Variants in OCA2 observed in about 807,000 individuals in gnomAD.
OCA2 encodes the protein P protein.
In OCA2, 77 loss-of-function variants were observed where a neutral mutation model predicts 100.2. The observed-to-expected ratio is 0.77, with a 90% CI of 0.64 to 0.93. The LOEUF (loss-of-function observed/expected upper bound fraction) is 0.93. Among genes scored for constraint, OCA2 ranks in the 40% least tolerant of loss-of-function variants. The probability of loss-of-function intolerance (pLI) is 0.00; values close to 1 mark genes in which losing one functional copy is unlikely to be tolerated. For missense variants in OCA2, 1,062 were observed against 1,089.1 expected (o/e 0.98, Z 0.35); for synonymous variants, 432 against 439.2 (o/e 0.98, Z 0.21).
chr15:28,014,682 G>A, intron 9 of OCA2, 94 bp downstream of exon 9: 1 of 1,347,058 alleles, frequency 7.4e-7, no homozygotes, highest in South Asian at 1.2e-5. Context: ...TTTGATTAAG[G>A]AGTCAGGACT....
intron 3 of OCA2, among the ~76,000 whole-genome samples, chr15:28,028,776 C>G (rs2042830393): frequency 6.6e-6 from 1 of 152,156 alleles, no homozygotes; most frequent in Non-Finnish European, 1.5e-5. Context: ...ACCTCTGTCT[C>G]CCAGGTTCAA....
intron 14 of OCA2, among the ~76,000 whole-genome samples, chr15:27,970,677 A>T (rs1451019900): frequency 6.7e-6 from 1 of 149,956 alleles, no homozygotes; most frequent in African/African-American, 2.5e-5. Context: ...CAGCATACGC[A>T]GTACGGCAGG....
the OCA2 span, among the ~76,000 whole-genome samples, chr15:27,737,340 C>A: frequency 6.6e-6 from 1 of 152,068 alleles, no homozygotes; most frequent in Admixed American, 6.5e-5. Context: ...ATGAAAAAGG[C>A]AAATAGTACA....
intron 19 of OCA2, among the ~76,000 whole-genome samples, chr15:27,893,920 A>G (rs2037574548): frequency 6.6e-6 from 1 of 151,640 alleles, no homozygotes; most frequent in African/African-American, 2.4e-5. Context: ...TCTTTGTTAG[A>G]CCCTTATTAG....
chr15:28,091,368 A>G (rs919911842), intron 1 of OCA2, among the ~76,000 whole-genome samples: 8 of 152,214 alleles, frequency 5.3e-5, no homozygotes, highest in African/African-American at 1.2e-4. Flanking sequence ...GTACAAAGAA[A>G]AAATACTACA....
chr15:28,066,398 G>C (rs922041063), intron 2 of OCA2, among the ~76,000 whole-genome samples: 1 of 152,052 alleles, frequency 6.6e-6, no homozygotes. Flanking sequence ...ATCAGTTCAA[G>C]CCATGATGGG....
chr15:27,930,556 T>C (rs2039209940), intron 18 of OCA2, among the ~76,000 whole-genome samples: 1 of 151,694 alleles, frequency 6.6e-6, no homozygotes, highest in Admixed American at 6.6e-5. Context: ...CTATGACTGC[T>C]TTACCACAAC....
chr15:27,835,622 T>C (rs1485249038), intron 23 of OCA2, among the ~76,000 whole-genome samples: 1 of 152,230 alleles, frequency 6.6e-6, no homozygotes, highest in Non-Finnish European at 1.5e-5. Context: ...GCAGCCATAG[T>C]GAGTGGGACA....
chr15:28,003,983 A>G (rs1206337060), intron 9 of OCA2, among the ~76,000 whole-genome samples: 1 of 152,194 alleles, frequency 6.6e-6, no homozygotes, highest in Non-Finnish European at 1.5e-5. Context: ...GTGTCCACGT[A>G]GCGCGCTGCG....
intron 18 of OCA2, among the ~76,000 whole-genome samples, chr15:27,927,669 C>A (rs1185293824): frequency 1.3e-5 from 2 of 152,074 alleles, no homozygotes; most frequent in Non-Finnish European, 2.9e-5. Context: ...AGTTCTTCCA[C>A]ATCTTCACCA....
At chr15:27,984,966 A>G in intron 13 of OCA2, 98 bp downstream of exon 13, 1 of 1,461,298 alleles carries the variant, frequency 6.8e-7, no homozygotes, top group Non-Finnish European at 9.5e-7. Flanking sequence ...CCACCTTTTC[A>G]TGCACCTGAG....
intron 1 of OCA2, among the ~76,000 whole-genome samples, chr15:28,093,213 G>A (rs941316838): frequency 1.3e-5 from 2 of 152,102 alleles, no homozygotes; most frequent in African/African-American, 2.4e-5. Context: ...CCTGAGGTCA[G>A]GAGTTCGAAA....
At chr15:28,005,011 G>A (rs1368235624) in intron 9 of OCA2, among the ~76,000 whole-genome samples, 11 of 152,220 alleles carry the variant, frequency 7.2e-5, no homozygotes, top group African/African-American at 2.6e-4. Context: ...AAATCACCAT[G>A]CCTCACAATG....
intron 23 of OCA2, among the ~76,000 whole-genome samples, chr15:27,821,004 G>A (rs1054243838): frequency 2.6e-5 from 4 of 152,020 alleles, no homozygotes; most frequent in Non-Finnish European, 4.4e-5. Context: ...AGGTGCAGGC[G>A]CCCTCCCTCT....
chr15:27,985,148 A>G lies in OCA2; in HGVS notation c.1280T>C (p.Ile427Thr). Residue 427 changes from isoleucine (I) to threonine (T), a missense_variant, in exon 13 of 24, where the codon ATC (isoleucine) becomes ACC (threonine). Physicochemically the swap from Ile to Thr is moderately conservative, Grantham distance 89 (BLOSUM62 -1). Coordinates refer to ENST00000354638, the MANE Select transcript of OCA2 (RefSeq NM_000275.3). ...LSRGRVWAMIIMLCLIAAVLS... is the reference protein window; with the variant it reads ...LSRGRVWAMITMLCLIAAVLS... Reference sequence around the variant, plus strand: ...GACGGCCGCGATGAGACAGAGCATGATGATCATGGCCCACACCCGTCCCCG... The same window carrying G: ...GACGGCCGCGATGAGACAGAGCATGGTGATCATGGCCCACACCCGTCCCCG... 6.2e-7 allele frequency: 1 copy of G among 1,614,006 alleles called. No individual in the cohort carries two copies. Among genetic ancestry groups the G allele is most frequent in the Middle Eastern group, 1.6e-4 (1 of 6,062 alleles).
intron 19 of OCA2, among the ~76,000 whole-genome samples, chr15:27,914,734 C>G (rs1212760232): frequency 6.6e-6 from 1 of 152,084 alleles, no homozygotes; most frequent in Admixed American, 6.6e-5. Flanking sequence ...AATGGAAAAA[C>G]TTTCCATGCT....
the OCA2 span, among the ~76,000 whole-genome samples, chr15:27,727,088 G>T: frequency 6.6e-6 from 1 of 152,204 alleles, no homozygotes; most frequent in Non-Finnish European, 1.5e-5. Flanking sequence ...GTTAGAAGGC[G>T]CACCATGTGC....
At chr15:27,826,512 G>C (rs1367157049) in intron 23 of OCA2, among the ~76,000 whole-genome samples, 1 of 152,116 alleles carries the variant, frequency 6.6e-6, no homozygotes, top group East Asian at 1.9e-4. Flanking sequence ...CCTGGACACT[G>C]CCTCCCCCTC....
intron 19 of OCA2, among the ~76,000 whole-genome samples, chr15:27,878,904 T>C (rs1741470525): frequency 6.6e-6 from 1 of 152,188 alleles, no homozygotes; most frequent in South Asian, 2.1e-4. Flanking sequence ...TATAGGTTTA[T>C]TACATAGGTA....
Sources: gnomAD v4.1 joint callset for allele counts (sites outside exome capture counted in the v4.1 genomes callset) on GRCh38, gnomAD v4.1.1 for gene constraint, MANE v1.5 for transcripts, NCBI Gene and HGNC (gene_info 2026-07-23, HGNC 2026-07-21) for gene names.